The following DAPK1 variants were observed in gnomAD, a reference collection of about 807,000 sequenced individuals.
DAPK1 encodes death associated protein kinase 1.
A neutral mutation model predicts 144.9 loss-of-function variants in DAPK1; 56 were observed. The observed-to-expected ratio is 0.39, with a 90% CI of 0.31 to 0.48. The LOEUF is 0.48. DAPK1 is among the 20% of genes least tolerant of loss of function. The pLI is 0.95. For missense variants in DAPK1, 1,454 were observed against 1,875.4 expected (o/e 0.78, Z 4.15); for synonymous variants, 690 against 749.0 (o/e 0.92, Z 1.29).
chr9:87,544,190 T>C (rs1826154146), intron 2 of DAPK1, among the ~76,000 whole-genome samples: 1 of 152,156 alleles, frequency 6.6e-6, no homozygotes, highest in Admixed American at 6.5e-5. Context: ...TAATAAGTGT[T>C]TTCTGACAAT....
intron 2 of DAPK1, among the ~76,000 whole-genome samples, chr9:87,580,940 C>T (rs2118827362): frequency 6.6e-6 from 1 of 152,286 alleles, no homozygotes; most frequent in African/African-American, 2.4e-5. Flanking sequence ...TACAACTTGA[C>T]ATTGACACTA....
Position 87,519,585 on chromosome 9 carries a change from G to T in DAPK1, c.62+20446G>T, listed in dbSNP as rs762232181. Among the ~76,000 whole-genome samples the T allele has an allele frequency of 6.3e-4, 96 of 152,156 alleles. 1 individual carries two copies. The highest frequency in any genetic ancestry group is 3.9e-4 in the Admixed American group (6 of 15,280). The stretch of plus-strand genomic sequence containing the variant: ...TGTCACGTGACCAGTGGCCCGCTCT[G>T]TCTGCTGCCCAGTACTGCCAATTGG... On this transcript the variant is annotated intron_variant, in intron 2 of 25. Transcript: ENST00000408954.
intron 16 of DAPK1, 127 bp downstream of exon 16, chr9:87,650,245 T>G: frequency 1.2e-6 from 1 of 827,308 alleles, no homozygotes; most frequent in Non-Finnish European, 1.9e-6. Context: ...TTACCCCGTC[T>G]CTTCTCTGTT....
intron 2 of DAPK1, among the ~76,000 whole-genome samples, chr9:87,582,915 G>T (rs923437604): frequency 2.0e-5 from 3 of 151,994 alleles, no homozygotes; most frequent in Admixed American, 6.6e-5. Flanking sequence ...TGGGTGATCA[G>T]AACCACAGGA....
chr9:87,617,039 A>T (rs533548901), intron 3 of DAPK1, among the ~76,000 whole-genome samples: 1 of 152,328 alleles, frequency 6.6e-6, no homozygotes, highest in South Asian at 2.1e-4. Context: ...TCCAGATGAC[A>T]CTTCAGTCCT....
chr9:87,518,097 ATGTTGTTGTT>A (rs757664389), intron 2 of DAPK1, among the ~76,000 whole-genome samples: 3 of 70,136 alleles, frequency 4.3e-5, no homozygotes, highest in South Asian at 9.1e-4. Flanking sequence ...TTTGCCGTTT[ATGTTGTTGTT>A]TTTTTTTTTT....
intron 3 of DAPK1, among the ~76,000 whole-genome samples, chr9:87,625,566 G>T (rs191274750): frequency 1.3e-5 from 2 of 152,328 alleles, no homozygotes; most frequent in Non-Finnish European, 2.9e-5. Flanking sequence ...GTAGCTCCCA[G>T]TGTAGAGACT....
At chr9:87,646,121 A>G in intron 12 of DAPK1, 107 bp downstream of exon 12, 15 of 1,363,744 alleles carry the variant, frequency 1.1e-5, no homozygotes, top group Non-Finnish European at 1.4e-5. Context: ...TTCCAATTGG[A>G]AGCTCCATAC....
chr9:87,567,825 G>A (rs1047732955), intron 2 of DAPK1, among the ~76,000 whole-genome samples: 8 of 152,160 alleles, frequency 5.3e-5, no homozygotes, highest in African/African-American at 1.7e-4. Context: ...GTTCTGAGTT[G>A]CTGTGTTGAA....
intron 17 of DAPK1, among the ~76,000 whole-genome samples, chr9:87,652,738 C>T (rs1219558026): frequency 3.6e-5 from 5 of 140,482 alleles, no homozygotes; most frequent in Admixed American, 7.0e-5. Flanking sequence ...CACCTGATCC[C>T]GGGTCCTGAT....
intron 19 of DAPK1, among the ~76,000 whole-genome samples, chr9:87,677,061 T>A (rs1237462831): frequency 6.6e-6 from 1 of 152,192 alleles, no homozygotes; most frequent in Non-Finnish European, 1.5e-5. Flanking sequence ...TCATAGGGAA[T>A]GTGAGTGAAG....
chr9:87,701,258 G>T (rs928226766), intron 24 of DAPK1, among the ~76,000 whole-genome samples: 13 of 152,124 alleles, frequency 8.5e-5, no homozygotes, highest in Admixed American at 3.9e-4. Context: ...AATAAAGTTG[G>T]ATTCCTACAC....
chr9:87,535,077 G>A (rs1198917254), intron 2 of DAPK1, among the ~76,000 whole-genome samples: 1 of 152,054 alleles, frequency 6.6e-6, no homozygotes, highest in Non-Finnish European at 1.5e-5. Context: ...CTTGAAGCCC[G>A]TGGTGGAAAT....
intron 19 of DAPK1, among the ~76,000 whole-genome samples, chr9:87,670,640 G>C (rs1469685604): frequency 6.6e-6 from 1 of 152,078 alleles, no homozygotes; most frequent in Non-Finnish European, 1.5e-5. Flanking sequence ...TGCCCTCCCA[G>C]GTGTATGATG....
chr9:87,602,922 T>C (rs1001319489), intron 2 of DAPK1, among the ~76,000 whole-genome samples: 1 of 146,420 alleles, frequency 6.8e-6, no homozygotes, highest in African/African-American at 2.5e-5. Context: ...GTCTCTCTGT[T>C]TCTCTCTCTC....
chr9:87,671,363 A>G (rs943542503), intron 19 of DAPK1, among the ~76,000 whole-genome samples: 1 of 152,028 alleles, frequency 6.6e-6, no homozygotes, highest in African/African-American at 2.4e-5. Context: ...AAAATACAAA[A>G]TACAAAAATA....
chr9:87,600,063 G>C (rs139059105), intron 2 of DAPK1, among the ~76,000 whole-genome samples: 1 of 152,190 alleles, frequency 6.6e-6, no homozygotes, highest in Non-Finnish European at 1.5e-5. Context: ...TATACTTGGG[G>C]GTCATTGTAT....
At chr9:87,552,659 A>G (rs1394122616) in intron 2 of DAPK1, among the ~76,000 whole-genome samples, 4 of 151,880 alleles carry the variant, frequency 2.6e-5, no homozygotes. Flanking sequence ...TGGTACAATC[A>G]TAGCTCACTG....
chr9:87,608,106 T>C (rs1828798133), intron 3 of DAPK1, among the ~76,000 whole-genome samples: 1 of 152,144 alleles, frequency 6.6e-6, no homozygotes, highest in South Asian at 2.1e-4. Context: ...AGGGGGAAGT[T>C]CACCCCTATG....
Sources: allele counts gnomAD v4.1 joint callset (sites outside exome capture counted in the v4.1 genomes callset), GRCh38; gene constraint gnomAD v4.1.1; transcripts MANE v1.5; gene names NCBI Gene and HGNC (gene_info 2026-07-23, HGNC 2026-07-21).